The following FGF14 variants were observed in gnomAD, a reference collection of about 807,000 sequenced individuals.
FGF14 encodes the protein fibroblast growth factor homologous factor 4.
In FGF14, 5 loss-of-function variants were observed where a neutral mutation model predicts 25.5. That is an observed-to-expected ratio of 0.20 (90% CI 0.10 to 0.41). The LOEUF (loss-of-function observed/expected upper bound fraction) is 0.41, where lower values mean the gene tolerates loss of function less well. FGF14 is among the 10% of genes least tolerant of loss of function. The pLI is 1.00. For synonymous variants in FGF14, 138 were observed against 118.3 expected (o/e 1.17, Z -1.08); for missense variants, 222 against 320.1 (o/e 0.69, Z 2.34).
chr13:102,061,288 G>C lies in FGF14; in HGVS notation c.209-185992C>G, dbSNP rs556209551. Among the ~76,000 whole-genome samples, 21 of 152,352 alleles carry C rather than the reference G, an allele frequency of 1.4e-4. No individual in the cohort carries two copies. In the East Asian group the frequency reaches 4.1e-3, roughly 29 times the overall value. ...ACTTGCAGACAGTAAAACTGAAAGAGCGCACTGTAACACCTGCCCACTGGG... is the reference window on the plus strand; with the variant it reads ...ACTTGCAGACAGTAAAACTGAAAGACCGCACTGTAACACCTGCCCACTGGG... On this transcript the variant is annotated intron_variant, in intron 1 of 4. Coordinates refer to the FGF14 transcript ENST00000376131.
chr13:102,015,746 A>G (rs2040306547), intron 1 of FGF14, among the ~76,000 whole-genome samples: 1 of 152,130 alleles, frequency 6.6e-6, no homozygotes, highest in African/African-American at 2.4e-5. Context: ...AAGATCCTAA[A>G]GCAGCCTTCC....
intron 1 of FGF14, among the ~76,000 whole-genome samples, chr13:102,244,052 G>A (rs531920395): frequency 6.6e-4 from 101 of 151,998 alleles, no homozygotes; most frequent in African/African-American, 2.3e-3. Context: ...TTTAGTAAGC[G>A]CTAATTCCTT....
chr13:101,874,743 T>G (rs2045302573), intron 2 of FGF14, among the ~76,000 whole-genome samples: 1 of 152,116 alleles, frequency 6.6e-6, no homozygotes, highest in Non-Finnish European at 1.5e-5. Context: ...TAAATTATAT[T>G]TCTATTATGT....
intron 1 of FGF14, among the ~76,000 whole-genome samples, chr13:102,319,368 G>A (rs1199562998): frequency 2.0e-5 from 3 of 152,194 alleles, no homozygotes; most frequent in Non-Finnish European, 4.4e-5. Flanking sequence ...GCTCTGCTTA[G>A]ATACAGACGC....
intron 3 of FGF14, among the ~76,000 whole-genome samples, chr13:101,753,278 C>A (rs566799956): frequency 5.0e-4 from 61 of 122,090 alleles, no homozygotes; most frequent in Admixed American, 2.6e-3. Flanking sequence ...AATACACACA[C>A]ACACAGACAC....
At chr13:101,926,024 C>T (rs1414914914) in intron 1 of FGF14, among the ~76,000 whole-genome samples, 1 of 152,186 alleles carries the variant, frequency 6.6e-6, no homozygotes, top group Non-Finnish European at 1.5e-5. Flanking sequence ...CTTCAAGATC[C>T]TAGTGATTTC....
chr13:102,139,124 G>A (rs2046529314), intron 1 of FGF14, among the ~76,000 whole-genome samples: 1 of 152,192 alleles, frequency 6.6e-6, no homozygotes, highest in African/African-American at 2.4e-5. Flanking sequence ...TGTCAAGATA[G>A]TATAATCCCT....
intron 1 of FGF14, among the ~76,000 whole-genome samples, chr13:102,203,627 T>C (rs2049772570): frequency 6.6e-6 from 1 of 152,222 alleles, no homozygotes. Context: ...AGAATATTCA[T>C]ATCTGGAAAA....
intron 1 of FGF14, among the ~76,000 whole-genome samples, chr13:102,166,316 G>A (rs1291829045): frequency 1.3e-5 from 2 of 150,652 alleles, no homozygotes; most frequent in Admixed American, 6.6e-5. Context: ...TATAAATTTC[G>A]TAAAGTAATC....
chr13:102,091,361 G>A (rs1358312659), intron 1 of FGF14, among the ~76,000 whole-genome samples: 1 of 152,130 alleles, frequency 6.6e-6, no homozygotes, highest in Non-Finnish European at 1.5e-5. Flanking sequence ...CTTCAAAGCT[G>A]GATGAGGTGG....
intron 3 of FGF14, among the ~76,000 whole-genome samples, chr13:101,867,599 G>A (rs538027908): frequency 5.3e-5 from 8 of 152,190 alleles, no homozygotes; most frequent in African/African-American, 9.6e-5. Context: ...AATCCTTTTC[G>A]TATTTAATTT....
chr13:102,145,057 T>C (rs1383887730), intron 1 of FGF14, among the ~76,000 whole-genome samples: 3 of 152,178 alleles, frequency 2.0e-5, no homozygotes, highest in Non-Finnish European at 4.4e-5. Flanking sequence ...ATCTGACTAA[T>C]GTGATGGGTG....
At chr13:102,302,669 C>A (rs924037684) in intron 1 of FGF14, among the ~76,000 whole-genome samples, 8 of 152,132 alleles carry the variant, frequency 5.3e-5, no homozygotes, top group African/African-American at 1.9e-4. Flanking sequence ...CACAAACTCC[C>A]AAACTCAGTG....
chr13:101,714,648 G>A lies in FGF14; in HGVS notation c.*8183C>T, dbSNP rs993486525. The A allele has an allele frequency of 1.6e-5, 12 of 751,680 alleles. No homozygotes were observed. In the African/African-American group the frequency reaches 1.9e-4, roughly 12 times the overall value. 46.6% of individuals were successfully genotyped at this position (751,680 alleles called of 1,614,324 possible). On this transcript the variant is annotated 3_prime_UTR_variant, in exon 5 of 5. Transcript: ENST00000376143. The stretch of plus-strand genomic sequence containing the variant: ...ATGCTTTAGGTGGCTGGACCAACAG[G>A]GCCAACCGTGAATATGAAATATCTA...
chr13:102,306,420 G>T (rs2055383361), intron 1 of FGF14, among the ~76,000 whole-genome samples: 1 of 142,238 alleles, frequency 7.0e-6, no homozygotes, highest in African/African-American at 2.5e-5. Flanking sequence ...ATGATGGAGG[G>T]GAAGACAAAG....
At chr13:101,763,099 G>A (rs553831689) in intron 3 of FGF14, among the ~76,000 whole-genome samples, 2 of 152,342 alleles carry the variant, frequency 1.3e-5, no homozygotes, top group East Asian at 1.9e-4. Flanking sequence ...AGAATGCACA[G>A]AAGTAAGCAA....
At chr13:102,142,804 A>G (rs1307853715) in intron 1 of FGF14, among the ~76,000 whole-genome samples, 2 of 152,178 alleles carry the variant, frequency 1.3e-5, no homozygotes, top group African/African-American at 4.8e-5. Flanking sequence ...CTTTATTAAA[A>G]TTTCTCTAAA....
intron 1 of FGF14, among the ~76,000 whole-genome samples, chr13:102,156,670 G>A (rs1594189618): frequency 6.6e-6 from 1 of 152,150 alleles, no homozygotes; most frequent in Non-Finnish European, 1.5e-5. Context: ...GGGCAATTAG[G>A]CAGGAGAAGG....
At position 101,715,535 on chromosome 13, in the gene FGF14, CATG is replaced by C. The variant is rs757768378; in HGVS notation, c.*7293_*7295del. 7.7e-5 allele frequency: 114 copies of C among 1,486,300 alleles called. 1 individual carries two copies. The African/African-American group carries it at 1.1e-3, about 14-fold the overall frequency. The allele number at this position is 1,486,300 out of a possible 1,614,324, so 92.1% of individuals were successfully genotyped here. A position where few individuals can be genotyped will look rare whatever the true frequency, so the allele number is the denominator to read the frequency against. ...AAATTTGGCACATTTTGATCATAATCATGATACCTATATGTATTTTATTGCAGG... is the reference window on the plus strand; with the variant it reads ...AAATTTGGCACATTTTGATCATAATCATACCTATATGTATTTTATTGCAGG... On this transcript the variant is annotated 3_prime_UTR_variant, in exon 5 of 5. Coordinates refer to ENST00000376143, the MANE Select transcript of FGF14 (RefSeq NM_004115.4).
Sources: gnomAD v4.1 joint callset for allele counts (sites outside exome capture counted in the v4.1 genomes callset) on GRCh38, gnomAD v4.1.1 for gene constraint, MANE v1.5 for transcripts, NCBI Gene and HGNC (gene_info 2026-07-23, HGNC 2026-07-21) for gene names.